Variants in TENM3 observed in about 807,000 individuals in gnomAD.
The protein encoded by TENM3 is teneurin-3.
In TENM3, 63 loss-of-function variants were observed where a neutral mutation model predicts 255.1. The observed-to-expected ratio is 0.25, with a 90% CI of 0.20 to 0.30. The LOEUF is 0.30. Among genes scored for constraint, TENM3 ranks in the 10% least tolerant of loss-of-function variants. The pLI, the probability that TENM3 is intolerant of heterozygous loss-of-function variation, is 1.00. For missense variants in TENM3, 2,929 were observed against 3,461.1 expected, an observed-to-expected ratio of 0.85 and a Z score of 3.86; for synonymous variants, 1,306 against 1,322.3, an observed-to-expected ratio of 0.99 and a Z score of 0.27.
At chr4:182,735,025 T>C (rs915742620) in intron 16 of TENM3, among the ~76,000 whole-genome samples, 1 of 152,194 alleles carries the variant, frequency 6.6e-6, no homozygotes, top group Non-Finnish European at 1.5e-5. Flanking sequence ...AGAATCTATT[T>C]TTCAAATTAA....
the TENM3 span, among the ~76,000 whole-genome samples, chr4:181,653,318 C>T: frequency 6.6e-6 from 1 of 152,208 alleles, no homozygotes; most frequent in African/African-American, 2.4e-5. Flanking sequence ...GCGTTTCTAA[C>T]AAGGTAGAAG....
chr4:182,027,346 T>C, the TENM3 span, among the ~76,000 whole-genome samples: 2 of 152,166 alleles, frequency 1.3e-5, no homozygotes, highest in Non-Finnish European at 2.9e-5. Flanking sequence ...CTTAACTGGA[T>C]TTGTGTATCA....
chr4:181,831,499 CA>C, the TENM3 span, among the ~76,000 whole-genome samples: 3,179 of 144,300 alleles, frequency 0.022, 109 homozygotes, highest in African/African-American at 0.071. Context: ...GCCTATGTGC[CA>C]AAAAAAAAAA....
At chr4:182,121,537 A>G in the TENM3 span, among the ~76,000 whole-genome samples, 5 of 152,226 alleles carry the variant, frequency 3.3e-5, no homozygotes, top group African/African-American at 1.2e-4. Context: ...TAATATCACA[A>G]TAACGTGAGT....
At chr4:182,602,313 C>G (rs747873008) in intron 4 of TENM3, among the ~76,000 whole-genome samples, 2 of 152,208 alleles carry the variant, frequency 1.3e-5, no homozygotes, top group African/African-American at 4.8e-5. Flanking sequence ...GAGCTCTTGA[C>G]GCCTTGAGAG....
intron 3 of TENM3, among the ~76,000 whole-genome samples, chr4:182,369,802 A>G (rs1341369355): frequency 6.6e-6 from 1 of 152,016 alleles, no homozygotes; most frequent in African/African-American, 2.4e-5. Flanking sequence ...AATTGCTCGA[A>G]CCCGGGAGGC....
the TENM3 span, among the ~76,000 whole-genome samples, chr4:181,770,676 A>G: frequency 4.5e-4 from 3 of 6,684 alleles, no homozygotes; most frequent in Admixed American, 4.3e-3. Context: ...CTCTGTCTCA[A>G]AAAAAAAAAA....
intron 3 of TENM3, among the ~76,000 whole-genome samples, chr4:182,405,182 G>T (rs1398852199): frequency 6.6e-6 from 1 of 152,154 alleles, no homozygotes; most frequent in African/African-American, 2.4e-5. Flanking sequence ...AGAACGTCCA[G>T]CTGGCCTCCC....
intron 1 of TENM3, among the ~76,000 whole-genome samples, chr4:182,277,132 T>C (rs1489328314): frequency 1.3e-5 from 2 of 152,286 alleles, no homozygotes; most frequent in African/African-American, 4.8e-5. Context: ...CTTGGGAATG[T>C]TTAAAGAAAA....
At chr4:181,559,835 GCATTGAGAAACCACACGCAGGAGA>G in the TENM3 span, among the ~76,000 whole-genome samples, 9 of 152,332 alleles carry the variant, frequency 5.9e-5, no homozygotes, top group South Asian at 2.1e-4. Flanking sequence ...TTGCCTAGGG[GCATTGAGAAACCACACGCAGGAGA>G]CATTGAGAAA....
chr4:182,572,456 C>T (rs1293777773), intron 3 of TENM3, among the ~76,000 whole-genome samples: 2 of 152,182 alleles, frequency 1.3e-5, no homozygotes, highest in Non-Finnish European at 1.5e-5. Flanking sequence ...TACTTCAGTA[C>T]CGTCATGGTA....
chr4:182,254,992 G>T (rs763343753), intron 1 of TENM3, among the ~76,000 whole-genome samples: 2 of 152,190 alleles, frequency 1.3e-5, no homozygotes, highest in Non-Finnish European at 2.9e-5. Context: ...GAAATAGTTT[G>T]TCTCTAAGGC....
At chr4:181,804,318 C>T in the TENM3 span, among the ~76,000 whole-genome samples, 1 of 152,144 alleles carries the variant, frequency 6.6e-6, no homozygotes, top group Admixed American at 6.5e-5. Context: ...CCAATTCTAA[C>T]TGGTTTGCAA....
At chr4:182,568,492 G>A (rs144810011) in intron 3 of TENM3, among the ~76,000 whole-genome samples, 1 of 152,332 alleles carries the variant, frequency 6.6e-6, no homozygotes, top group African/African-American at 2.4e-5. Flanking sequence ...TAAAATCACA[G>A]AGACTAACAA....
the TENM3 span, among the ~76,000 whole-genome samples, chr4:181,719,805 T>C: frequency 6.6e-6 from 1 of 152,256 alleles, no homozygotes; most frequent in Non-Finnish European, 1.5e-5. Flanking sequence ...ATTTAAATGA[T>C]GCCTTGATGC....
the TENM3 span, among the ~76,000 whole-genome samples, chr4:181,599,815 T>G: frequency 5.7e-3 from 875 of 152,334 alleles, 10 homozygotes; most frequent in African/African-American, 0.02. Flanking sequence ...TACTCATCTA[T>G]GACCTTCTTT....
intron 1 of TENM3, among the ~76,000 whole-genome samples, chr4:182,274,720 G>A (rs1352964470): frequency 6.6e-6 from 1 of 152,172 alleles, no homozygotes; most frequent in Non-Finnish European, 1.5e-5. Context: ...AAACTTGCAA[G>A]ATAATGATTA....
At chr4:182,483,297 GTGTTTA>G (rs1378670401) in intron 3 of TENM3, among the ~76,000 whole-genome samples, 1 of 152,122 alleles carries the variant, frequency 6.6e-6, no homozygotes, top group Non-Finnish European at 1.5e-5. Flanking sequence ...GCACTGGTGT[GTGTTTA>G]TGTTTATGTA....
chr4:181,770,212 T>G, the TENM3 span, among the ~76,000 whole-genome samples: 1 of 152,088 alleles, frequency 6.6e-6, no homozygotes, highest in Admixed American at 6.5e-5. Flanking sequence ...GATGGGAAGG[T>G]TGAGGGGTTA....
Sources: allele counts gnomAD v4.1 joint callset (sites outside exome capture counted in the v4.1 genomes callset), GRCh38; gene constraint gnomAD v4.1.1; transcripts MANE v1.5; gene names NCBI Gene and HGNC (gene_info 2026-07-23, HGNC 2026-07-21).